GPAT3: variants seen among roughly 807,000 people sequenced by gnomAD.
GPAT3 encodes the protein 1-AGP acyltransferase 9.
GPAT3 carries 53 observed loss-of-function variants against 58.8 expected under a neutral mutation model. The ratio of observed to expected loss-of-function variants is 0.90; its 90% CI spans 0.72 to 1.13. The LOEUF is 1.13. Ranked by LOEUF, GPAT3 falls within the 50% of genes most tolerant of loss-of-function variation. The pLI is 0.00. For synonymous variants in GPAT3, 197 were observed against 187.4 expected, an observed-to-expected ratio of 1.05 and a Z score of -0.42; for missense variants, 511 against 527.6, an observed-to-expected ratio of 0.97 and a Z score of 0.31.
chr4:83,537,722 C>T (rs1424303074), intron 1 of GPAT3, among the ~76,000 whole-genome samples: 2 of 151,650 alleles, frequency 1.3e-5, no homozygotes, highest in African/African-American at 4.9e-5. Context: ...TCCCAAAGTG[C>T]TGGGATTAAA....
At chr4:83,554,364 C>T (rs2110078014) in intron 2 of GPAT3, among the ~76,000 whole-genome samples, 1 of 152,250 alleles carries the variant, frequency 6.6e-6, no homozygotes, top group African/African-American at 2.4e-5. Flanking sequence ...TACAGCTTGT[C>T]ATTTTAGAAG....
Position 83,541,238 on chromosome 4 carries a change from CT to C in GPAT3, c.142-3286del, listed in dbSNP as rs796732041. ...AACCTTAAACTTAAACTTTGCATAT[CT>C]TTTTTTTTTTTGAGGCAGGGTCTCC... On this transcript the variant is annotated intron_variant, in intron 1 of 11. Transcript: ENST00000264409. 5.0e-3 allele frequency among the ~76,000 whole-genome samples: 726 copies of C among 145,534 alleles called. 8 individuals are homozygous for C. Among genetic ancestry groups the C allele is most frequent in the East Asian group, 0.035 (175 of 5,030 alleles).
intron 2 of GPAT3, among the ~76,000 whole-genome samples, chr4:83,551,652 C>T (rs907720157): frequency 4.0e-5 from 6 of 151,662 alleles, no homozygotes; most frequent in South Asian, 2.1e-4. Flanking sequence ...ATTAACTGGG[C>T]GTGGTGGTGC....
intron 2 of GPAT3, among the ~76,000 whole-genome samples, chr4:83,574,964 C>CT (rs1299404839): frequency 4.0e-5 from 6 of 150,088 alleles, no homozygotes; most frequent in African/African-American, 7.4e-5. Flanking sequence ...CAGGCTCCGC[C>CT]CCCTGGGGTT....
rs1726908506 is a variant in GPAT3 at position 83,597,993 on chromosome 4, G to A, written c.997-58G>A. The A allele has an allele frequency of 6.9e-6, 11 of 1,597,680 alleles. No individual in the cohort carries two copies. In the Admixed American group the frequency reaches 1.9e-4, roughly 27 times the overall value. On this transcript the variant is annotated intron_variant, in intron 9 of 11. Coordinates refer to ENST00000264409, the MANE Select transcript of GPAT3 (RefSeq NM_032717.5). ...TTGGCCTACCACCTTTAAAACATTG[G>A]GCACGGATGAGAAACCACCCTTATT...
chr4:83,577,788 CT>C (rs1185047521), intron 2 of GPAT3, among the ~76,000 whole-genome samples: 434 of 66,702 alleles, frequency 6.5e-3, no homozygotes, highest in African/African-American at 0.02. Flanking sequence ...GTCATTGTGG[CT>C]TTTTTTTTTT....
intron 2 of GPAT3, among the ~76,000 whole-genome samples, chr4:83,581,125 A>C (rs1726107327): frequency 6.7e-6 from 1 of 149,912 alleles, no homozygotes; most frequent in South Asian, 2.1e-4. Flanking sequence ...AAAAAAATCA[A>C]CTTTTTGCCA....
chr4:83,556,671 G>T (rs1217094904), intron 2 of GPAT3, among the ~76,000 whole-genome samples: 16 of 151,448 alleles, frequency 1.1e-4, no homozygotes, highest in Admixed American at 1.1e-3. Flanking sequence ...TTATATTTGG[G>T]GTTAAAATTT....
chr4:83,570,298 G>A (rs1457414332), intron 2 of GPAT3, among the ~76,000 whole-genome samples: 1 of 152,124 alleles, frequency 6.6e-6, no homozygotes, highest in African/African-American at 2.4e-5. Context: ...ATAGGATTGC[G>A]AAGACTACAA....
rs142725023 is a variant in GPAT3 at position 83,552,405 on chromosome 4, GA to G, written c.208+7805del. On this transcript the variant is annotated intron_variant, in intron 2 of 11. Coordinates refer to ENST00000264409, the MANE Select transcript of GPAT3 (RefSeq NM_032717.5). ...TTTGTGAATCACTGCTCCTAGAGAA[GA>G]ATGCATTAGTGTATTGGTCCCCACT... 4.0e-3 allele frequency among the ~76,000 whole-genome samples: 603 copies of G among 152,316 alleles called. 4 individuals are homozygous for G. Among genetic ancestry groups the G allele is most frequent in the African/African-American group, 0.014 (580 of 41,580 alleles).
chr4:83,582,861 A>G lies in GPAT3; in HGVS notation c.479+1029A>G, dbSNP rs17006891. On this transcript the variant is annotated intron_variant, in intron 3 of 11. Transcript: ENST00000264409. ...TTTGGGAATCATTTCAGCTGTGATAATGAAGCGAAATTCAAGGTTTCACAT... is the reference window on the plus strand; with the variant it reads ...TTTGGGAATCATTTCAGCTGTGATAGTGAAGCGAAATTCAAGGTTTCACAT... 5.5e-3 allele frequency among the ~76,000 whole-genome samples: 842 copies of G among 152,306 alleles called. 8 individuals are homozygous for G. Among genetic ancestry groups the G allele is most frequent in the African/African-American group, 0.019 (795 of 41,562 alleles).
chr4:83,569,351 T>A (rs1234035523), intron 2 of GPAT3, among the ~76,000 whole-genome samples: 1 of 152,040 alleles, frequency 6.6e-6, no homozygotes, highest in African/African-American at 2.4e-5. Context: ...AAACCTGGAG[T>A]GATGACTGAG....
intron 6 of GPAT3, among the ~76,000 whole-genome samples, chr4:83,591,875 T>C (rs1726614559): frequency 6.6e-6 from 1 of 152,190 alleles, no homozygotes; most frequent in African/African-American, 2.4e-5. Flanking sequence ...GACTAACAGT[T>C]CTGGAGGCTG....
chr4:83,568,656 C>G (rs1323782874), intron 2 of GPAT3, among the ~76,000 whole-genome samples: 1 of 151,936 alleles, frequency 6.6e-6, no homozygotes, highest in Admixed American at 6.6e-5. Flanking sequence ...TACAGGCACC[C>G]GCCACCACAC....
chr4:83,559,839 G>T (rs1725068000), intron 2 of GPAT3, among the ~76,000 whole-genome samples: 1 of 152,210 alleles, frequency 6.6e-6, no homozygotes, highest in Non-Finnish European at 1.5e-5. Flanking sequence ...TACACAGTAG[G>T]CTGGGGAGAT....
At chr4:83,587,423 CATTATT>C (rs369217027) in intron 4 of GPAT3, 94 bp downstream of exon 4, 2 of 1,091,766 alleles carry the variant, frequency 1.8e-6, no homozygotes, top group South Asian at 1.5e-5. Flanking sequence ...CTATGTATTG[CATTATT>C]ATTATTATTA....
At chr4:83,562,238 T>A (rs28538615) in intron 2 of GPAT3, among the ~76,000 whole-genome samples, 2,398 of 117,764 alleles carry the variant, frequency 0.02, 138 homozygotes, top group African/African-American at 0.099. Flanking sequence ...ATATATATAA[T>A]ATATATATAT....
At chr4:83,545,076 A>C (rs183304151) in intron 2 of GPAT3, among the ~76,000 whole-genome samples, 1 of 152,234 alleles carries the variant, frequency 6.6e-6, no homozygotes, top group East Asian at 1.9e-4. Context: ...TTTAGGAATC[A>C]TCACATACTA....
chr4:83,599,163 A>G (rs2110110746), intron 11 of GPAT3, among the ~76,000 whole-genome samples: 1 of 152,290 alleles, frequency 6.6e-6, no homozygotes, highest in South Asian at 2.1e-4. Flanking sequence ...AGCTGAAAGT[A>G]ATAGTGGTTT....
Sources: gnomAD v4.1 joint callset for allele counts (sites outside exome capture counted in the v4.1 genomes callset) on GRCh38, gnomAD v4.1.1 for gene constraint, MANE v1.5 for transcripts, NCBI Gene and HGNC (gene_info 2026-07-23, HGNC 2026-07-21) for gene names.